SYT7: variants seen among roughly 807,000 people sequenced by gnomAD.
SYT7 encodes synaptotagmin 7, also known as synaptotagmin-7.
Under a neutral mutation model 75.1 loss-of-function variants are expected in SYT7, and 29 were observed. That is an observed-to-expected ratio of 0.39 (90% CI 0.29 to 0.53). The LOEUF is 0.53. SYT7 is among the 20% of genes least tolerant of loss of function. The pLI is 0.77. For synonymous variants in SYT7, 376 were observed against 401.7 expected, an observed-to-expected ratio of 0.94 and a Z score of 0.76; for missense variants, 693 against 953.2, an observed-to-expected ratio of 0.73 and a Z score of 3.59.
chr11:61,550,508 G>A (rs1188212286), intron 3 of SYT7, among the ~76,000 whole-genome samples: 3 of 152,148 alleles, frequency 2.0e-5, no homozygotes, highest in African/African-American at 7.2e-5. Flanking sequence ...TGGGGCGCTC[G>A]GCTTCTAGGC....
In SYT7 at chr11:61,524,311, C is replaced by A; in HGVS notation, c.1641+52G>T. The A allele has an allele frequency of 6.2e-7, 1 of 1,601,474 alleles. No homozygotes were observed. The highest frequency in any genetic ancestry group is 2.2e-5 in the East Asian group (1 of 44,742). ...TTGACAAGGGTCTGGGACCAGATCT[C>A]CCAGCCCTGCCCTGCTGCCTGTCCA... On this transcript the variant is annotated intron_variant, in intron 10 of 12. Transcript: ENST00000539008. This position sits in a 1 kb window ranked among gnomAD's most constrained non-coding sequence, Gnocchi z 4.1.
intron 1 of SYT7, among the ~76,000 whole-genome samples, chr11:61,570,849 G>A (rs561657985): frequency 5.3e-5 from 8 of 152,006 alleles, no homozygotes; most frequent in Admixed American, 1.3e-4. Context: ...TTCCTCTCTG[G>A]GCCTTCATGT....
chr11:61,527,680 G>A (rs747262247), intron 9 of SYT7, among the ~76,000 whole-genome samples: 1 of 152,244 alleles, frequency 6.6e-6, no homozygotes, highest in Non-Finnish European at 1.5e-5. Context: ...CAGGTTAACC[G>A]GGCCAGGACG....
chr11:61,537,765 C>T (rs371578334), intron 7 of SYT7, among the ~76,000 whole-genome samples: 5 of 152,154 alleles, frequency 3.3e-5, no homozygotes, highest in East Asian at 1.9e-4. Flanking sequence ...ACATCCCCCC[C>T]GCCCACCAAC....
At position 61,517,181 on chromosome 11, in the gene SYT7, C is replaced by G. The variant is rs1001855711; in HGVS notation, c.*1446G>C. 3 of 398,226 alleles carry G rather than the reference C, an allele frequency of 7.5e-6. No homozygotes were observed. The Admixed American group carries it at 1.3e-4, about 18-fold the overall frequency. 24.7% of individuals were successfully genotyped at this position (398,226 alleles called of 1,614,324 possible). A position where few individuals can be genotyped will look rare whatever the true frequency, so the allele number is the denominator to read the frequency against. On this transcript the variant is annotated 3_prime_UTR_variant, in exon 13 of 13. Coordinates refer to ENST00000539008, the MANE Select transcript of SYT7 (RefSeq NM_001365809.2). ...TTGGAGGCTTTGTCACCAGCTGGGTCTTGTATCAATACCAGGACCAGCGTG... is the reference window on the plus strand; with the variant it reads ...TTGGAGGCTTTGTCACCAGCTGGGTGTTGTATCAATACCAGGACCAGCGTG...
chr11:61,546,502 A>C lies in SYT7; in HGVS notation c.348-247T>G. The stretch of plus-strand genomic sequence containing the variant: ...CGGAGCCTGCAGAGGAGAGAGGGGG[A>C]CCGGGCGGGCTGGGGGTCGGAGAAC... On this transcript the variant is annotated intron_variant, in intron 4 of 12. Transcript: ENST00000539008. This position sits in a 1 kb window ranked among gnomAD's most constrained non-coding sequence, Gnocchi z 7.6. The C allele has an allele frequency of 5.4e-5, 20 of 372,750 alleles. No individual in the cohort carries two copies. Among genetic ancestry groups the C allele is most frequent in the Non-Finnish European group, 5.6e-5 (11 of 196,484 alleles). The allele number at this position is 372,750 out of a possible 1,614,324, so 23.1% of individuals were successfully genotyped here. A position where few individuals can be genotyped will look rare whatever the true frequency, so the allele number is the denominator to read the frequency against.
Position 61,538,213 on chromosome 11 carries a change from T to C in SYT7, c.995A>G (p.Asp332Gly). ...SLVLGLSEQDDFANIPDLQNP... is the reference protein window; with the variant it reads ...SLVLGLSEQDGFANIPDLQNP... ...TTGCAGGTCAGGGATATTGGCAAAG[T>C]CATCCTGTTCCGAAAGCCCTAAGAC... The change falls in exon 7 of 13, where the codon GAC (aspartate) becomes GGC (glycine). Residue 332 changes from aspartate (D) to glycine (G), a missense_variant. Coordinates refer to ENST00000539008, the MANE Select transcript of SYT7 (RefSeq NM_001365809.2). 1 of 1,536,022 alleles carries C rather than the reference T, an allele frequency of 6.5e-7. No homozygotes were observed. Among genetic ancestry groups the C allele is most frequent in the Non-Finnish European group, 8.7e-7 (1 of 1,146,868 alleles).
At position 61,516,494 on chromosome 11, in the gene SYT7, G is replaced by A. The variant is rs896940175; in HGVS notation, c.*2133C>T. ...CTGGAAGGTGGGGGCTGGCTCACTG[G>A]GCGGTCTTCCGCGGGGCAGGCGGGT... On this transcript the variant is annotated 3_prime_UTR_variant, in exon 13 of 13. Transcript: ENST00000539008. This position sits in a 1 kb window ranked among gnomAD's most constrained non-coding sequence, Gnocchi z 4.6. The A allele has an allele frequency of 1.3e-5, 2 of 152,176 alleles. No homozygotes were observed. Among genetic ancestry groups the A allele is most frequent in the Admixed American group, 6.5e-5 (1 of 15,284 alleles). 9.4% of individuals were successfully genotyped at this position (152,176 alleles called of 1,614,324 possible).
At chr11:61,586,846 C>T in the SYT7 span, among the ~76,000 whole-genome samples, 1 of 152,190 alleles carries the variant, frequency 6.6e-6, no homozygotes, top group Non-Finnish European at 1.5e-5. Flanking sequence ...CCTCCTGCCT[C>T]AGTGGGCCCC....
chr11:61,563,099 A>G (rs2063681929), intron 1 of SYT7, among the ~76,000 whole-genome samples: 1 of 152,130 alleles, frequency 6.6e-6, no homozygotes, highest in East Asian at 1.9e-4. Flanking sequence ...TGTGGCCACA[A>G]GCAGATGCCC....
intron 1 of SYT7, among the ~76,000 whole-genome samples, chr11:61,561,233 G>T (rs111941347): frequency 5.3e-5 from 8 of 152,320 alleles, no homozygotes; most frequent in African/African-American, 1.9e-4. Context: ...GTCCCGGCGG[G>T]TAAGGCACAG....
intron 7 of SYT7, among the ~76,000 whole-genome samples, chr11:61,535,302 G>A (rs1161353564): frequency 1.3e-5 from 2 of 152,218 alleles, no homozygotes; most frequent in East Asian, 1.9e-4. Flanking sequence ...GAGAGGAGGC[G>A]GGGGACACAC....
chr11:61,584,751 G>C (rs965610049), upstream of SYT7, among the ~76,000 whole-genome samples: 1 of 152,234 alleles, frequency 6.6e-6, no homozygotes, highest in Non-Finnish European at 1.5e-5. Context: ...AATGGAGCCT[G>C]CAGGAGTGAG....
intron 9 of SYT7, among the ~76,000 whole-genome samples, chr11:61,527,120 C>T (rs937751365): frequency 3.3e-5 from 5 of 152,156 alleles, no homozygotes; most frequent in Non-Finnish European, 5.9e-5. Context: ...AGATAAAGAC[C>T]GGCCTTCAGA....
At chr11:61,552,467 CA>C (rs1442980146) in intron 2 of SYT7, among the ~76,000 whole-genome samples, 1 of 138,760 alleles carries the variant, frequency 7.2e-6, no homozygotes, top group Non-Finnish European at 1.5e-5. Context: ...CACACACACA[CA>C]CATGCACACA....
intron 1 of SYT7, among the ~76,000 whole-genome samples, chr11:61,571,713 G>C (rs2063925804): frequency 6.6e-6 from 1 of 152,232 alleles, no homozygotes; most frequent in South Asian, 2.1e-4. Context: ...ACCTGGGGGT[G>C]GAGAGGGAGA....
At position 61,517,342 on chromosome 11, in the gene SYT7, C is replaced by G. The variant is rs1455347575; in HGVS notation, c.*1285G>C. On this transcript the variant is annotated 3_prime_UTR_variant, in exon 13 of 13. Coordinates refer to ENST00000539008, the MANE Select transcript of SYT7 (RefSeq NM_001365809.2). Reference sequence around the variant, plus strand: ...TGGCAACCTCAGAACTCACAGAATCCTGGTCTTTTCCCTGCCTCCTTTCCC... The same window carrying G: ...TGGCAACCTCAGAACTCACAGAATCGTGGTCTTTTCCCTGCCTCCTTTCCC... 1 of 398,692 alleles carries G rather than the reference C, an allele frequency of 2.5e-6. No individual in the cohort carries two copies. Among genetic ancestry groups the G allele is most frequent in the Admixed American group, 4.4e-5 (1 of 22,736 alleles). The allele number at this position is 398,692 out of a possible 1,614,324, so 24.7% of individuals were successfully genotyped here.
intron 12 of SYT7, among the ~76,000 whole-genome samples, chr11:61,522,564 A>C (rs1287415728): frequency 6.6e-6 from 1 of 152,178 alleles, no homozygotes; most frequent in Non-Finnish European, 1.5e-5. Flanking sequence ...CAGGGACAGT[A>C]TTAGTTGCTC....
At chr11:61,525,319 A>C (rs1590829532) in intron 9 of SYT7, among the ~76,000 whole-genome samples, 1 of 152,116 alleles carries the variant, frequency 6.6e-6, no homozygotes, top group South Asian at 2.1e-4. Flanking sequence ...AAAGCCGGGC[A>C]CCCTACCTTG....
Sources: gnomAD v4.1 joint callset for allele counts (sites outside exome capture counted in the v4.1 genomes callset) on GRCh38, gnomAD v4.1.1 for gene constraint, Gnocchi (gnomAD v3.1) non-coding constraint, MANE v1.5 for transcripts, NCBI Gene and HGNC (gene_info 2026-07-23, HGNC 2026-07-21) for gene names.